Variants in GPC6 observed in about 807,000 individuals in gnomAD.
GPC6 encodes glypican-6.
GPC6 carries 14 observed loss-of-function variants against 55.2 expected under a neutral mutation model. The ratio of observed to expected loss-of-function variants is 0.25; its 90% CI spans 0.17 to 0.40. GPC6 has a LOEUF of 0.40. Among genes scored for constraint, GPC6 ranks in the 10% least tolerant of loss-of-function variants. GPC6 has a pLI of 1.00. For missense variants in GPC6, 641 were observed against 708.5 expected (o/e 0.90, Z 1.08); for synonymous variants, 278 against 259.6 (o/e 1.07, Z -0.68).
At chr13:93,989,641 C>A (rs1881201550) in intron 3 of GPC6, among the ~76,000 whole-genome samples, 1 of 152,134 alleles carries the variant, frequency 6.6e-6, no homozygotes, top group Non-Finnish European at 1.5e-5. Context: ...GCTATGCTGC[C>A]ATCAAGCAGC....
chr13:93,329,053 T>C (rs925569672), intron 1 of GPC6, among the ~76,000 whole-genome samples: 1 of 152,184 alleles, frequency 6.6e-6, no homozygotes, highest in Non-Finnish European at 1.5e-5. Flanking sequence ...TTATGAATTA[T>C]CTTGAGTAAA....
At chr13:93,917,818 G>A (rs1053303146) in intron 3 of GPC6, among the ~76,000 whole-genome samples, 19 of 152,166 alleles carry the variant, frequency 1.2e-4, no homozygotes, top group Non-Finnish European at 1.9e-4. Flanking sequence ...AAAATATTCG[G>A]CCAGCTGCGG....
At chr13:93,536,974 A>G (rs1336543659) in intron 1 of GPC6, among the ~76,000 whole-genome samples, 1 of 152,182 alleles carries the variant, frequency 6.6e-6, no homozygotes, top group Non-Finnish European at 1.5e-5. Context: ...TTTGTTTGTT[A>G]TTCCCTAAAC....
Position 94,045,945 on chromosome 13 carries a change from T to A in GPC6, c.877+18051T>A, listed in dbSNP as rs1390416798. The stretch of plus-strand genomic sequence containing the variant: ...CCAAAACAGTCCTAAAGGAAAGGTG[T>A]GATTATTGTCCCCATTTTACAGAAG... On this transcript the variant is annotated intron_variant, in intron 4 of 8. Transcript: ENST00000377047. 2.6e-5 allele frequency among the ~76,000 whole-genome samples: 4 copies of A among 151,890 alleles called. No individual in the cohort carries two copies. The East Asian group carries it at 7.8e-4, about 30-fold the overall frequency.
At chr13:94,229,445 C>T (rs777744392) in intron 4 of GPC6, among the ~76,000 whole-genome samples, 16 of 152,054 alleles carry the variant, frequency 1.1e-4, no homozygotes, top group Non-Finnish European at 2.1e-4. Context: ...TTTTAATTTC[C>T]ATTTTGCAGT....
chr13:93,734,709 A>G (rs898998979), intron 2 of GPC6, among the ~76,000 whole-genome samples: 2 of 152,212 alleles, frequency 1.3e-5, no homozygotes, highest in Admixed American at 1.3e-4. Flanking sequence ...AAATAAGCAC[A>G]TGAAAATTGG....
intron 1 of GPC6, among the ~76,000 whole-genome samples, chr13:93,327,456 T>A (rs1169607346): frequency 6.6e-6 from 1 of 152,154 alleles, no homozygotes; most frequent in Non-Finnish European, 1.5e-5. Flanking sequence ...TCTACTTTCA[T>A]TTAACAGGAA....
intron 2 of GPC6, among the ~76,000 whole-genome samples, chr13:93,713,304 T>A (rs2138811750): frequency 6.6e-6 from 1 of 151,588 alleles, no homozygotes; most frequent in South Asian, 2.1e-4. Flanking sequence ...GGAGATAACA[T>A]AAAAGCAGAA....
chr13:93,358,975 C>CTT (rs1555293628), intron 1 of GPC6, among the ~76,000 whole-genome samples: 7 of 99,438 alleles, frequency 7.0e-5, no homozygotes, highest in African/African-American at 1.3e-4. Flanking sequence ...TTCTCTCTCT[C>CTT]TTTTTTTTTT....
chr13:94,240,510 T>C (rs973386149), intron 4 of GPC6, among the ~76,000 whole-genome samples: 13 of 152,072 alleles, frequency 8.5e-5, no homozygotes, highest in African/African-American at 3.1e-4. Flanking sequence ...AAAATAATGA[T>C]TGAGTGCCTG....
At chr13:94,045,690 C>G (rs908206257) in intron 4 of GPC6, among the ~76,000 whole-genome samples, 4 of 150,982 alleles carry the variant, frequency 2.6e-5, no homozygotes, top group Admixed American at 2.6e-4. Flanking sequence ...GTGGCTGTAA[C>G]TCAGCCACTT....
chr13:94,079,689 T>C (rs1885040455), intron 4 of GPC6, among the ~76,000 whole-genome samples: 2 of 152,176 alleles, frequency 1.3e-5, no homozygotes, highest in African/African-American at 2.4e-5. Context: ...ATTTCAAAAA[T>C]TGTGAATAAC....
intron 1 of GPC6, among the ~76,000 whole-genome samples, chr13:93,293,331 A>C (rs559058408): frequency 6.6e-6 from 1 of 152,314 alleles, no homozygotes; most frequent in Non-Finnish European, 1.5e-5. Flanking sequence ...TGAATTCAAT[A>C]AAAATTCAGA....
intron 4 of GPC6, among the ~76,000 whole-genome samples, chr13:94,206,361 T>G (rs1029564039): frequency 5.9e-5 from 9 of 152,204 alleles, no homozygotes; most frequent in Non-Finnish European, 1.5e-5. Flanking sequence ...ACATTCACAC[T>G]ACATGCTGCA....
intron 4 of GPC6, among the ~76,000 whole-genome samples, chr13:94,152,490 T>C (rs1887776051): frequency 6.6e-6 from 1 of 152,138 alleles, no homozygotes; most frequent in African/African-American, 2.4e-5. Flanking sequence ...AACTGTATTT[T>C]TTATGATTTT....
chr13:94,394,063 C>T (rs1880790919), intron 7 of GPC6, among the ~76,000 whole-genome samples: 2 of 152,294 alleles, frequency 1.3e-5, no homozygotes, highest in South Asian at 4.1e-4. Flanking sequence ...CTCTCACCCC[C>T]AAATTTCCAT....
intron 6 of GPC6, among the ~76,000 whole-genome samples, chr13:94,312,690 A>T (rs1338346102): frequency 6.7e-6 from 1 of 150,116 alleles, no homozygotes; most frequent in Non-Finnish European, 1.5e-5. Flanking sequence ...CAACACAGAC[A>T]CACACGAAGA....
At chr13:93,708,508 C>A (rs1049275612) in intron 2 of GPC6, among the ~76,000 whole-genome samples, 2 of 151,690 alleles carry the variant, frequency 1.3e-5, no homozygotes, top group African/African-American at 4.8e-5. Context: ...TTTTATCAGT[C>A]TTTGAGGTTT....
intron 1 of GPC6, among the ~76,000 whole-genome samples, chr13:93,383,730 G>T (rs566923866): frequency 4.2e-5 from 6 of 143,588 alleles, no homozygotes; most frequent in East Asian, 5.5e-4. Context: ...TGCAAACCAA[G>T]AATTTTTTTT....
Sources: gnomAD v4.1 joint callset for allele counts (sites outside exome capture counted in the v4.1 genomes callset) on GRCh38, gnomAD v4.1.1 for gene constraint, MANE v1.5 for transcripts, NCBI Gene and HGNC (gene_info 2026-07-23, HGNC 2026-07-21) for gene names.